Variants in SEMA6A observed in about 807,000 individuals in gnomAD.
SEMA6A encodes the protein semaphorin 6A, also known as semaphorin-6A.
In SEMA6A, 25 loss-of-function variants were observed where a neutral mutation model predicts 96.8. The ratio of observed to expected loss-of-function variants is 0.26; its 90% confidence interval spans 0.19 to 0.36. The LOEUF (loss-of-function observed/expected upper bound fraction) is 0.36. Among genes scored for constraint, SEMA6A ranks in the 10% least tolerant of loss-of-function variants. The probability of loss-of-function intolerance (pLI) is 1.00; values close to 1 mark genes in which losing one functional copy is unlikely to be tolerated. For missense variants in SEMA6A, 1,363 were observed against 1,323.1 expected (o/e 1.03, Z -0.47); for synonymous variants, 612 against 518.0 (o/e 1.18, Z -2.46).
intron 3 of SEMA6A, among the ~76,000 whole-genome samples, chr5:116,501,590 T>A (rs1757883443): frequency 6.6e-6 from 1 of 152,180 alleles, no homozygotes; most frequent in Non-Finnish European, 1.5e-5. Flanking sequence ...CACCTTAATT[T>A]AACAAATAAG....
intron 10 of SEMA6A, chr5:116,486,506 C>T: frequency 4.6e-6 from 2 of 434,018 alleles, no homozygotes; most frequent in Non-Finnish European, 8.2e-6. Flanking sequence ...GTTTATATAC[C>T]AGGCTTATAT....
rs373693054 is a variant in SEMA6A at position 116,473,134 on chromosome 5, C to T, written c.1709-41G>A. 2.0e-5 allele frequency: 31 copies of T among 1,574,960 alleles called. No individual in the cohort carries two copies. The African/African-American group carries it at 3.5e-4, about 18-fold the overall frequency. ...GAGGAGAAGGTTACTTAATGTTTTA[C>T]GCTCTGCTTGGGGCGACTTACATAA... On this transcript the variant is annotated intron_variant, in intron 16 of 18. Transcript: ENST00000343348.
At chr5:116,530,276 A>G (rs530174633) in intron 1 of SEMA6A, among the ~76,000 whole-genome samples, 1 of 152,310 alleles carries the variant, frequency 6.6e-6, no homozygotes, top group South Asian at 2.1e-4. Flanking sequence ...AGACATTATA[A>G]TCTGTACGGA....
At chr5:116,537,116 G>A (rs1041212839) in intron 1 of SEMA6A, among the ~76,000 whole-genome samples, 4 of 152,144 alleles carry the variant, frequency 2.6e-5, no homozygotes, top group Non-Finnish European at 5.9e-5. Flanking sequence ...GTAAGTGTTC[G>A]CAACAGTTAC....
chr5:116,557,314 C>T (rs907918813), intron 1 of SEMA6A, among the ~76,000 whole-genome samples: 12 of 152,204 alleles, frequency 7.9e-5, no homozygotes, highest in Non-Finnish European at 1.3e-4. Flanking sequence ...TGGGCTCAAG[C>T]GATTCTCGTG....
chr5:116,449,257 G>C, intron 18 of SEMA6A: 1 of 701,612 alleles, frequency 1.4e-6, no homozygotes, highest in Non-Finnish European at 2.6e-6. Context: ...GCACTGCATG[G>C]GCTGAGGAAA....
intron 1 of SEMA6A, among the ~76,000 whole-genome samples, chr5:116,552,456 C>T (rs924762803): frequency 6.6e-6 from 1 of 152,166 alleles, no homozygotes; most frequent in Admixed American, 6.5e-5. Flanking sequence ...CTCTGCAAAA[C>T]TTTACACTAA....
rs1370123297 is a variant in SEMA6A at position 116,444,764 on chromosome 5, A to T, written c.*1849T>A. ...GAGTTACTCGTTAATCACAGCAGGG[A>T]CCAGCCTGCCTGCATCTATTTCCAT... On this transcript the variant is annotated 3_prime_UTR_variant, in exon 19 of 19. Transcript: ENST00000343348. The T allele has an allele frequency of 6.6e-6, 1 of 152,278 alleles. No individual in the cohort carries two copies. The highest frequency in any genetic ancestry group is 1.5e-5 in the Non-Finnish European group (1 of 68,040). 9.4% of individuals were successfully genotyped at this position (152,278 alleles called of 1,614,324 possible). A position where few individuals can be genotyped will look rare whatever the true frequency, so the allele number is the denominator to read the frequency against.
intron 1 of SEMA6A, among the ~76,000 whole-genome samples, chr5:116,540,206 A>G (rs980350169): frequency 2.6e-5 from 4 of 152,268 alleles, no homozygotes; most frequent in African/African-American, 9.6e-5. Flanking sequence ...TATATAAAAC[A>G]GTATATTTTA....
chr5:116,541,018 G>A (rs1029815419), intron 1 of SEMA6A, among the ~76,000 whole-genome samples: 2 of 152,138 alleles, frequency 1.3e-5, no homozygotes, highest in African/African-American at 4.8e-5. Flanking sequence ...AGTGACTTAC[G>A]GGGGATATTG....
intron 1 of SEMA6A, among the ~76,000 whole-genome samples, chr5:116,512,534 A>G (rs1407809376): frequency 6.6e-6 from 1 of 152,230 alleles, no homozygotes; most frequent in Non-Finnish European, 1.5e-5. Context: ...TGAAACCACT[A>G]TCACAAAAAC....
rs532111203 is a variant in SEMA6A, at chr5:116,532,514, C to G, written c.-38-27532G>C. Reference sequence around the variant, plus strand: ...ATTTATGGGGAGGGAGAGAGGGTAGCCTGTAACCTGCCTGTTCTTTTTCTG... The same window carrying G: ...ATTTATGGGGAGGGAGAGAGGGTAGGCTGTAACCTGCCTGTTCTTTTTCTG... On this transcript the variant is annotated intron_variant, in intron 1 of 18. Transcript: ENST00000343348. Among the ~76,000 whole-genome samples the G allele has an allele frequency of 3.3e-5, 5 of 152,200 alleles. No homozygotes were observed. The South Asian group carries it at 1.0e-3, about 32-fold the overall frequency.
chr5:116,487,066 G>A, intron 9 of SEMA6A, 100 bp from the exon 10 acceptor site: 1 of 777,628 alleles, frequency 1.3e-6, no homozygotes, highest in Non-Finnish European at 2.2e-6. Context: ...AAACAACAAG[G>A]TGCTTAATAC....
intron 16 of SEMA6A, among the ~76,000 whole-genome samples, chr5:116,474,278 G>GCA (rs113731062): frequency 0.099 from 14,505 of 147,216 alleles, 735 homozygotes; most frequent in East Asian, 0.13. Flanking sequence ...GTGCACGCAT[G>GCA]CACACACACA....
intron 15 of SEMA6A, among the ~76,000 whole-genome samples, chr5:116,477,298 T>C (rs1308534089): frequency 6.6e-6 from 1 of 152,260 alleles, no homozygotes; most frequent in Admixed American, 6.5e-5. Context: ...CTAGCTGATC[T>C]GTTGGAGAAC....
intron 1 of SEMA6A, among the ~76,000 whole-genome samples, chr5:116,568,424 G>A (rs1018385320): frequency 9.2e-5 from 14 of 152,106 alleles, no homozygotes; most frequent in South Asian, 2.1e-4. Flanking sequence ...TATACTGTAC[G>A]GGTACAGGGC....
intron 15 of SEMA6A, among the ~76,000 whole-genome samples, 196 bp from the exon 16 acceptor site, chr5:116,475,799 A>C (rs191552426): frequency 4.8e-4 from 73 of 152,336 alleles, no homozygotes; most frequent in South Asian, 1.7e-3. Flanking sequence ...TCCAAAGAGA[A>C]GCCATGGTTT....
At chr5:116,494,266 G>A (rs944862140) in intron 6 of SEMA6A, among the ~76,000 whole-genome samples, 7 of 152,192 alleles carry the variant, frequency 4.6e-5, no homozygotes, top group Admixed American at 1.3e-4. Flanking sequence ...TGTTCATGCT[G>A]TTCCCTGCTA....
intron 1 of SEMA6A, among the ~76,000 whole-genome samples, chr5:116,512,957 G>C (rs148410237): frequency 6.6e-6 from 1 of 152,162 alleles, no homozygotes; most frequent in African/African-American, 2.4e-5. Flanking sequence ...TTCTTTGTTT[G>C]TTTGTTGTTG....
Sources: allele counts gnomAD v4.1 joint callset (sites outside exome capture counted in the v4.1 genomes callset), GRCh38; gene constraint gnomAD v4.1.1; transcripts MANE v1.5; gene names NCBI Gene and HGNC (gene_info 2026-07-23, HGNC 2026-07-21).